Variants in TP63 observed in about 807,000 individuals in gnomAD.
The protein encoded by TP63 is tumor protein p63, also known as tumor protein 63.
A neutral mutation model predicts 82.8 loss-of-function variants in TP63; 17 were observed. That is an observed-to-expected ratio of 0.21 (90% CI 0.14 to 0.31). The LOEUF (loss-of-function observed/expected upper bound fraction) is 0.31. Among genes scored for constraint, TP63 ranks in the 10% least tolerant of loss-of-function variants. The pLI is 1.00. For synonymous variants in TP63, 330 were observed against 321.7 expected, an observed-to-expected ratio of 1.03 and a Z score of -0.28; for missense variants, 648 against 895.3, an observed-to-expected ratio of 0.72 and a Z score of 3.52.
chr3:189,751,268 C>T (rs567382801), intron 3 of TP63, among the ~76,000 whole-genome samples: 8 of 152,148 alleles, frequency 5.3e-5, no homozygotes, highest in South Asian at 2.1e-4. Flanking sequence ...TGAATAGTGC[C>T]GCAATAAACA....
intron 1 of TP63, among the ~76,000 whole-genome samples, chr3:189,638,204 T>C (rs964129790): frequency 6.6e-6 from 1 of 152,176 alleles, no homozygotes; most frequent in Admixed American, 6.6e-5. Flanking sequence ...AAGGTAAGAA[T>C]TGTTATCCCC....
chr3:189,676,243 G>A (rs1256746914), intron 1 of TP63, among the ~76,000 whole-genome samples: 1 of 151,974 alleles, frequency 6.6e-6, no homozygotes, highest in Admixed American at 6.6e-5. Flanking sequence ...TCATTATGCT[G>A]TACATTAAGT....
At chr3:189,667,054 T>A (rs1577203829) in intron 1 of TP63, among the ~76,000 whole-genome samples, 1 of 148,284 alleles carries the variant, frequency 6.7e-6, no homozygotes, top group African/African-American at 2.5e-5. Context: ...CATAAAAGTG[T>A]GTCTCATGAT....
At chr3:189,766,107 G>A (rs1722943282) in intron 3 of TP63, among the ~76,000 whole-genome samples, 1 of 152,060 alleles carries the variant, frequency 6.6e-6, no homozygotes, top group Non-Finnish European at 1.5e-5. Context: ...AGGCTGAGTG[G>A]GGAGGATCAC....
chr3:189,716,602 G>A (rs987873223), intron 1 of TP63, among the ~76,000 whole-genome samples: 5 of 152,088 alleles, frequency 3.3e-5, no homozygotes, highest in Admixed American at 2.6e-4. Flanking sequence ...GTTCTTACTC[G>A]GAAAGGACTG....
At chr3:189,868,950 A>G (rs1718073855) in intron 8 of TP63, among the ~76,000 whole-genome samples, 1 of 152,204 alleles carries the variant, frequency 6.6e-6, no homozygotes, top group Admixed American at 6.5e-5. Flanking sequence ...GGGATTCTCA[A>G]AATGTGACTT....
chr3:189,711,427 T>C (rs1718587917), intron 1 of TP63, among the ~76,000 whole-genome samples: 2 of 152,164 alleles, frequency 1.3e-5, no homozygotes, highest in African/African-American at 4.8e-5. Context: ...TGCTAATACA[T>C]TCATAGTACC....
chr3:189,689,425 C>T (rs1446499196), intron 1 of TP63, among the ~76,000 whole-genome samples: 1 of 151,774 alleles, frequency 6.6e-6, no homozygotes, highest in South Asian at 2.1e-4. Context: ...CCAAATCTAC[C>T]TTCTTATAGG....
At chr3:189,765,433 C>CTTATTTTTTTTTTTTT (rs1722870655) in intron 3 of TP63, among the ~76,000 whole-genome samples, 1 of 30,088 alleles carries the variant, frequency 3.3e-5, no homozygotes, top group Non-Finnish European at 5.9e-5. Context: ...CTGTCCTCTG[C>CTTATTTTTTTTTTTTT]TTTTTTTTTT....
intron 7 of TP63, 105 bp from the exon 8 acceptor site, chr3:189,868,474 AG>A: frequency 6.6e-7 from 1 of 1,512,522 alleles, no homozygotes; most frequent in Non-Finnish European, 9.0e-7. Flanking sequence ...CTAAGCTGGT[AG>A]TACGTTGGCG....
At chr3:189,605,593 A>T in the TP63 span, among the ~76,000 whole-genome samples, 1 of 152,210 alleles carries the variant, frequency 6.6e-6, no homozygotes, top group African/African-American at 2.4e-5. Context: ...AGATTCTGGT[A>T]CCTGCTATGT....
At chr3:189,761,829 A>G (rs1401517563) in intron 3 of TP63, among the ~76,000 whole-genome samples, 1 of 152,238 alleles carries the variant, frequency 6.6e-6, no homozygotes, top group Non-Finnish European at 1.5e-5. Flanking sequence ...CCTCACAATC[A>G]TGGCTGAAGG....
rs75401544 is a variant in TP63 at position 189,799,475 on chromosome 3, T to C, written c.325-8797T>C. Among the ~76,000 whole-genome samples the C allele has an allele frequency of 6.4e-3, 970 of 152,244 alleles. 8 individuals are homozygous for C. Among genetic ancestry groups the C allele is most frequent in the African/African-American group, 0.022 (929 of 41,564 alleles). On this transcript the variant is annotated intron_variant, in intron 3 of 13. Transcript: ENST00000264731. ...AAGATATAGGTTCTTATTGCTGACC[T>C]AGGTGCATTCGAAACAAAACCTAGA...
intron 4 of TP63, among the ~76,000 whole-genome samples, chr3:189,837,467 A>G (rs2108729445): frequency 6.6e-6 from 1 of 152,206 alleles, no homozygotes; most frequent in East Asian, 1.9e-4. Flanking sequence ...AAGAAATTTT[A>G]AATTTAAATC....
At chr3:189,816,629 T>G (rs1728213457) in intron 4 of TP63, among the ~76,000 whole-genome samples, 1 of 152,196 alleles carries the variant, frequency 6.6e-6, no homozygotes, top group Non-Finnish European at 1.5e-5. Flanking sequence ...TAATGTAGCT[T>G]TCCAACAACT....
chr3:189,827,878 G>A (rs960958125), intron 4 of TP63, among the ~76,000 whole-genome samples: 6 of 152,192 alleles, frequency 3.9e-5, no homozygotes, highest in African/African-American at 1.4e-4. Context: ...AAGCTAACTG[G>A]CAGCAGTTTG....
At chr3:189,759,231 G>C (rs1722395161) in intron 3 of TP63, among the ~76,000 whole-genome samples, 1 of 152,194 alleles carries the variant, frequency 6.6e-6, no homozygotes, top group African/African-American at 2.4e-5. Context: ...TATCACTCCA[G>C]ATCTACTGAA....
chr3:189,748,002 T>A (rs1721506412), intron 3 of TP63, among the ~76,000 whole-genome samples: 2 of 152,004 alleles, frequency 1.3e-5, no homozygotes, highest in African/African-American at 4.8e-5. Context: ...TAAGGTTGAA[T>A]AAGGAATAAA....
At chr3:189,822,074 A>G (rs1019986895) in intron 4 of TP63, among the ~76,000 whole-genome samples, 9 of 152,272 alleles carry the variant, frequency 5.9e-5, no homozygotes, top group Admixed American at 5.9e-4. Context: ...GTTGGGCTAA[A>G]CACTGTCTCT....
Sources: allele counts gnomAD v4.1 joint callset (sites outside exome capture counted in the v4.1 genomes callset), GRCh38; gene constraint gnomAD v4.1.1; transcripts MANE v1.5; gene names NCBI Gene and HGNC (gene_info 2026-07-23, HGNC 2026-07-21).